CEP170: variants seen among roughly 807,000 people sequenced by gnomAD.
The protein encoded by CEP170 is centrosomal protein 170.
In CEP170, 21 loss-of-function variants were observed where a neutral mutation model predicts 151.9. The ratio of observed to expected loss-of-function variants is 0.14; its 90% confidence interval spans 0.10 to 0.20. CEP170 has a LOEUF of 0.20. Ranked by LOEUF, CEP170 falls within the 10% of genes least tolerant of loss-of-function variation. CEP170 has a pLI of 1.00. For missense variants in CEP170, 964 were observed against 1,892.9 expected (o/e 0.51, Z 9.11); for synonymous variants, 356 against 648.8 (o/e 0.55, Z 6.86).
Position 243,172,622 on chromosome 1 carries a change from ACT to A in CEP170, c.1716+73_1716+74del, listed in dbSNP as rs887968509. The stretch of plus-strand genomic sequence containing the variant: ...ACTCCAGCCTGGGCAACAGAGTGAA[ACT>A]CTGTCTCAGACAAGAAAAAAAAAAG... On this transcript the variant is annotated intron_variant, in intron 11 of 19. Transcript: ENST00000366542. 14 of 1,301,992 alleles carry A rather than the reference ACT, an allele frequency of 1.1e-5. No individual in the cohort carries two copies. In the African/African-American group the frequency reaches 1.5e-4, roughly 14 times the overall value. 80.7% of individuals were successfully genotyped at this position (1,301,992 alleles called of 1,614,324 possible).
chr1:243,190,179 C>T (rs997260461), intron 8 of CEP170, among the ~76,000 whole-genome samples: 72 of 152,210 alleles, frequency 4.7e-4, no homozygotes, highest in African/African-American at 1.7e-3. Context: ...ACAAAAACTC[C>T]TAATATAGTA....
At chr1:243,227,523 A>C (rs4634890) in intron 1 of CEP170, among the ~76,000 whole-genome samples, 62,732 of 152,098 alleles carry the variant, frequency 0.41, 14,993 homozygotes, top group East Asian at 0.66. Flanking sequence ...AATATTCAAA[A>C]GATGTGATTC....
chr1:243,181,282 C>T (rs1178095288), intron 10 of CEP170, among the ~76,000 whole-genome samples: 1 of 152,080 alleles, frequency 6.6e-6, no homozygotes, highest in African/African-American at 2.4e-5. Flanking sequence ...GAGATAAATG[C>T]CTTTAATCTA....
chr1:243,227,104 C>T (rs573248575), intron 1 of CEP170, among the ~76,000 whole-genome samples: 2 of 152,250 alleles, frequency 1.3e-5, no homozygotes, highest in South Asian at 4.1e-4. Context: ...CAAATGTTGA[C>T]GTGTTTCATT....
intron 17 of CEP170, among the ~76,000 whole-genome samples, chr1:243,131,143 G>A (rs1031172956): frequency 2.0e-5 from 3 of 151,754 alleles, no homozygotes; most frequent in Non-Finnish European, 4.4e-5. Flanking sequence ...GGTTTTTCAC[G>A]GGTTGCCCCT....
At chr1:243,143,503 G>GT (rs1051115800) in intron 14 of CEP170, among the ~76,000 whole-genome samples, 2 of 151,936 alleles carry the variant, frequency 1.3e-5, no homozygotes, top group African/African-American at 2.4e-5. Flanking sequence ...TTCTTTTAGA[G>GT]TTTTTTTTAA....
intron 13 of CEP170, among the ~76,000 whole-genome samples, chr1:243,162,279 T>C (rs931200136): frequency 5.3e-5 from 8 of 152,210 alleles, no homozygotes; most frequent in Non-Finnish European, 1.0e-4. Context: ...ATAGATACGG[T>C]AGAAAAACAG....
intron 12 of CEP170, chr1:243,166,448 G>A (rs1048101878): frequency 2.3e-4 from 50 of 215,068 alleles, no homozygotes; most frequent in Non-Finnish European, 3.1e-4. Flanking sequence ...CAGTGGGGAC[G>A]CAATCATTTC....
In CEP170 at chr1:243,126,198, T is replaced by C; in HGVS notation, c.*251A>G. 1 of 579,946 alleles carries C rather than the reference T, an allele frequency of 1.7e-6. No homozygotes were observed. The highest frequency in any genetic ancestry group is 3.3e-6 in the Non-Finnish European group (1 of 307,554). The allele number at this position is 579,946 out of a possible 1,614,324, so 35.9% of individuals were successfully genotyped here. A position where few individuals can be genotyped will look rare whatever the true frequency, so the allele number is the denominator to read the frequency against. On this transcript the variant is annotated 3_prime_UTR_variant, in exon 20 of 20. Coordinates refer to ENST00000366542, the MANE Select transcript of CEP170 (RefSeq NM_014812.3). ...GTAATCATTAAATTCAATTTGAAAA[T>C]CATAAAACCACAAAAGGCGACACTG...
At chr1:243,200,129 T>C (rs2060928137) in intron 6 of CEP170, among the ~76,000 whole-genome samples, 1 of 151,902 alleles carries the variant, frequency 6.6e-6, no homozygotes, top group Non-Finnish European at 1.5e-5. Context: ...TTAGGTATTA[T>C]AAGTGATCTA....
intron 11 of CEP170, among the ~76,000 whole-genome samples, chr1:243,171,570 G>A (rs2631191): frequency 1.3e-5 from 2 of 151,788 alleles, no homozygotes; most frequent in Middle Eastern, 3.2e-3. Flanking sequence ...GTCAGAGAAC[G>A]AAAGCTTCCA....
At chr1:243,140,202 C>T in intron 15 of CEP170, 95 bp from the exon 16 acceptor site, 1 of 1,503,008 alleles carries the variant, frequency 6.7e-7, no homozygotes, top group Non-Finnish European at 8.9e-7. Context: ...AGAAGTTATT[C>T]CATTCTCAAG....
chr1:243,240,779 G>C lies in CEP170; in HGVS notation c.-42+14261C>G, dbSNP rs577150859. Among the ~76,000 whole-genome samples, 3 of 152,148 alleles carry C rather than the reference G, an allele frequency of 2.0e-5. No individual in the cohort carries two copies. In the South Asian group the frequency reaches 6.2e-4, roughly 32 times the overall value. On this transcript the variant is annotated intron_variant, in intron 1 of 19. Coordinates refer to ENST00000366542, the MANE Select transcript of CEP170 (RefSeq NM_014812.3). The stretch of plus-strand genomic sequence containing the variant: ...ACGATCTCAGCTCACTGCTACCTCT[G>C]CCTACTGGGTTCAAGTGATTCTCCT...
intron 4 of CEP170, among the ~76,000 whole-genome samples, chr1:243,210,992 A>T (rs1423386807): frequency 1.3e-5 from 2 of 151,868 alleles, no homozygotes; most frequent in Non-Finnish European, 2.9e-5. Flanking sequence ...TACTCTATTT[A>T]GCTGAGACTA....
At chr1:243,243,315 T>C (rs577561734) in intron 1 of CEP170, among the ~76,000 whole-genome samples, 90 of 152,126 alleles carry the variant, frequency 5.9e-4, no homozygotes, top group African/African-American at 2.1e-3. Flanking sequence ...ATTCCTCATG[T>C]AGGTAAAGAA....
chr1:243,219,106 T>C (rs1047390201), intron 3 of CEP170, among the ~76,000 whole-genome samples: 1 of 152,222 alleles, frequency 6.6e-6, no homozygotes, highest in African/African-American at 2.4e-5. Flanking sequence ...CTTTGTGGCA[T>C]GTTTCTTAGG....
intron 1 of CEP170, among the ~76,000 whole-genome samples, chr1:243,232,211 C>A (rs1020013522): frequency 6.6e-6 from 1 of 152,098 alleles, no homozygotes; most frequent in Non-Finnish European, 1.5e-5. Flanking sequence ...GCAATCCACC[C>A]GCTTCAGCCT....
At chr1:243,255,585 T>C (rs2066563471), upstream of CEP170, among the ~76,000 whole-genome samples, 2 of 152,190 alleles carry the variant, frequency 1.3e-5, no homozygotes, top group African/African-American at 4.8e-5. Context: ...ATCTAGGCTG[T>C]TTGGAAGATT....
intron 1 of CEP170, among the ~76,000 whole-genome samples, chr1:243,228,883 C>T (rs2063501478): frequency 6.6e-6 from 1 of 152,088 alleles, no homozygotes; most frequent in Non-Finnish European, 1.5e-5. Context: ...TAAAAGAATA[C>T]ATAGTTTCTG....
Sources: allele counts gnomAD v4.1 joint callset (sites outside exome capture counted in the v4.1 genomes callset), GRCh38; gene constraint gnomAD v4.1.1; transcripts MANE v1.5; gene names NCBI Gene and HGNC (gene_info 2026-07-23, HGNC 2026-07-21).